Variants in PPM1H observed in about 807,000 individuals in gnomAD.
PPM1H encodes protein phosphatase, Mg2+/Mn2+ dependent 1H.
A neutral mutation model predicts 54.9 loss-of-function variants in PPM1H; 27 were observed. That is an observed-to-expected ratio of 0.49 (90% confidence interval 0.36 to 0.68). PPM1H has a LOEUF of 0.68. Among genes scored for constraint, PPM1H ranks in the 30% least tolerant of loss-of-function variants. PPM1H has a pLI of 0.00. For missense variants in PPM1H, 596 were observed against 667.8 expected (o/e 0.89, Z 1.19); for synonymous variants, 305 against 270.8 (o/e 1.13, Z -1.24).
intron 2 of PPM1H, among the ~76,000 whole-genome samples, chr12:62,802,824 T>A (rs1367343122): frequency 6.6e-6 from 1 of 152,088 alleles, no homozygotes. Context: ...CCTCAAGTGA[T>A]CCACCCACCT....
chr12:62,856,492 A>G (rs754482033), intron 1 of PPM1H, among the ~76,000 whole-genome samples: 11 of 152,148 alleles, frequency 7.2e-5, no homozygotes, highest in Non-Finnish European at 1.0e-4. Flanking sequence ...ATGAGATGGT[A>G]CATCCAATGT....
intron 1 of PPM1H, among the ~76,000 whole-genome samples, chr12:62,903,498 A>C (rs1009926507): frequency 3.9e-5 from 6 of 152,238 alleles, no homozygotes; most frequent in African/African-American, 1.4e-4. Flanking sequence ...AATGATGAAT[A>C]AAATTAATTC....
At chr12:62,847,107 A>G (rs941391119) in intron 1 of PPM1H, among the ~76,000 whole-genome samples, 1 of 152,158 alleles carries the variant, frequency 6.6e-6, no homozygotes, top group Non-Finnish European at 1.5e-5. Context: ...AGCTGAGCCA[A>G]TTAGGGCCCT....
intron 2 of PPM1H, among the ~76,000 whole-genome samples, chr12:62,824,467 AG>A (rs958582830): frequency 3.3e-5 from 5 of 152,220 alleles, no homozygotes; most frequent in Non-Finnish European, 5.9e-5. Context: ...AAAAGAACAA[AG>A]CTGGAGGCAT....
At chr12:62,849,338 A>G (rs1869093389) in intron 1 of PPM1H, among the ~76,000 whole-genome samples, 1 of 152,260 alleles carries the variant, frequency 6.6e-6, no homozygotes, top group Non-Finnish European at 1.5e-5. Context: ...ATATTGTCTC[A>G]GTTGAGCCTC....
chr12:62,809,747 T>G (rs950858980), intron 2 of PPM1H, among the ~76,000 whole-genome samples: 2 of 152,236 alleles, frequency 1.3e-5, no homozygotes, highest in Admixed American at 1.3e-4. Context: ...GATGCTGACA[T>G]GTCTTACAGA....
chr12:62,687,456 G>T (rs770724173), intron 8 of PPM1H, among the ~76,000 whole-genome samples: 3 of 151,990 alleles, frequency 2.0e-5, no homozygotes, highest in Non-Finnish European at 4.4e-5. Context: ...TAAGAACAAG[G>T]GTCCTGCTAT....
chr12:62,786,090 G>A (rs946267606), intron 4 of PPM1H, among the ~76,000 whole-genome samples: 1 of 152,146 alleles, frequency 6.6e-6, no homozygotes, highest in Non-Finnish European at 1.5e-5. Flanking sequence ...TAAAGGACAG[G>A]AAACCAGACA....
intron 3 of PPM1H, among the ~76,000 whole-genome samples, chr12:62,795,550 C>T (rs1400693343): frequency 2.0e-5 from 3 of 151,908 alleles, no homozygotes; most frequent in Non-Finnish European, 4.4e-5. Flanking sequence ...GGGTTCACAC[C>T]ATTCTCCTGC....
chr12:62,721,524 G>C (rs1427805658), intron 5 of PPM1H, among the ~76,000 whole-genome samples: 8 of 152,138 alleles, frequency 5.3e-5, no homozygotes, highest in Admixed American at 5.2e-4. Context: ...CACTTTGAGG[G>C]GCTCTGAAAA....
chr12:62,690,025 A>C (rs2076074573), intron 7 of PPM1H, among the ~76,000 whole-genome samples: 1 of 152,220 alleles, frequency 6.6e-6, no homozygotes, highest in Non-Finnish European at 1.5e-5. Flanking sequence ...TCTATCCATT[A>C]TCTTAAGCTT....
At chr12:62,676,371 T>C (rs368347484) in intron 8 of PPM1H, among the ~76,000 whole-genome samples, 3 of 152,302 alleles carry the variant, frequency 2.0e-5, no homozygotes, top group African/African-American at 7.2e-5. Flanking sequence ...GCCAGTGTTG[T>C]GTGCTCCATG....
chr12:62,723,171 A>G (rs2076272583), intron 5 of PPM1H, among the ~76,000 whole-genome samples: 1 of 152,184 alleles, frequency 6.6e-6, no homozygotes, highest in African/African-American at 2.4e-5. Context: ...CTGCTGGCTC[A>G]CTGCCACCGT....
At chr12:62,915,392 C>T (rs1871590146) in intron 1 of PPM1H, among the ~76,000 whole-genome samples, 1 of 152,174 alleles carries the variant, frequency 6.6e-6, no homozygotes, top group Non-Finnish European at 1.5e-5. Flanking sequence ...CTGCGTGGTT[C>T]AATCAGGAAT....
At chr12:62,927,681 GAAAAAGA>G (rs1470032793) in intron 1 of PPM1H, among the ~76,000 whole-genome samples, 1 of 149,136 alleles carries the variant, frequency 6.7e-6, no homozygotes, top group Admixed American at 6.7e-5. Context: ...AAAAAGAAAA[GAAAAAGA>G]AAAAAGAAAA....
chr12:62,827,499 T>C (rs529474370), intron 2 of PPM1H, among the ~76,000 whole-genome samples: 53 of 152,300 alleles, frequency 3.5e-4, no homozygotes, highest in Non-Finnish European at 6.9e-4. Flanking sequence ...GCCATCACTG[T>C]CTTGAGTCAT....
chr12:62,908,422 A>AAAAAG (rs1284923713), intron 1 of PPM1H, among the ~76,000 whole-genome samples: 311 of 134,232 alleles, frequency 2.3e-3, no homozygotes, highest in Non-Finnish European at 2.9e-3. Context: ...AAAAAAAAAA[A>AAAAAG]AAAGAAAGAA....
chr12:62,808,561 C>T (rs1450105534), intron 2 of PPM1H, among the ~76,000 whole-genome samples: 1 of 152,084 alleles, frequency 6.6e-6, no homozygotes, highest in African/African-American at 2.4e-5. Flanking sequence ...AGTTTGCCGT[C>T]TCTGATTGAA....
At chr12:62,807,203 G>T (rs1299089498) in intron 2 of PPM1H, among the ~76,000 whole-genome samples, 1 of 152,164 alleles carries the variant, frequency 6.6e-6, no homozygotes, top group African/African-American at 2.4e-5. Flanking sequence ...CAGGACACAT[G>T]AAGGATCCTG....
Sources: gnomAD v4.1 joint callset for allele counts (sites outside exome capture counted in the v4.1 genomes callset) on GRCh38, gnomAD v4.1.1 for gene constraint, MANE v1.5 for transcripts, NCBI Gene and HGNC (gene_info 2026-07-23, HGNC 2026-07-21) for gene names.